Variants in NFATC2 observed in about 807,000 individuals in gnomAD.
NFATC2 encodes the protein nuclear factor of activated T cells 2.
A neutral mutation model predicts 87.3 loss-of-function variants in NFATC2; 22 were observed. That is an observed-to-expected ratio of 0.25 (90% CI 0.18 to 0.36). NFATC2 has a LOEUF of 0.36. NFATC2 is among the 10% of genes least tolerant of loss of function. The pLI is 1.00. For missense variants in NFATC2, 1,149 were observed against 1,259.1 expected, an observed-to-expected ratio of 0.91 and a Z score of 1.32; for synonymous variants, 565 against 542.2, an observed-to-expected ratio of 1.04 and a Z score of -0.58.
intron 3 of NFATC2, among the ~76,000 whole-genome samples, chr20:51,509,956 A>C (rs1471749770): frequency 1.3e-5 from 2 of 152,202 alleles, no homozygotes; most frequent in African/African-American, 4.8e-5. Context: ...CCGGGAATGA[A>C]ATGGCCATCG....
In NFATC2 at chr20:51,523,942, G is replaced by C. The variant is rs919808621; in HGVS notation, c.299C>G (p.Ala100Gly). ...GCCCGAGGCCCCTGCTGGCTTGGCC[G>C]CGCTCAGAAACTTCTGCGGCCCTAC... ...DRVGPQKFLS[A>G]AKPAGASGLS... Residue 100 changes from alanine to glycine, a missense_variant, in exon 2 of 11, where the codon GCG (alanine) becomes GGG (glycine). By Grantham distance (60) the Ala-to-Gly change is moderately conservative. This residue lies in a region of NFATC2 where 563 missense variants were observed against 585.2 expected (regional missense o/e 0.96). Transcript: ENST00000371564. The surrounding 1 kb of genome is among the most constrained non-coding windows in gnomAD (Gnocchi z 6.9). 2 of 1,595,568 alleles carry C rather than the reference G, an allele frequency of 1.3e-6. No homozygotes were observed. The highest frequency in any genetic ancestry group is 2.7e-5 in the African/African-American group (2 of 73,630).
chr20:51,493,414 T>G (rs1325352887), intron 3 of NFATC2, among the ~76,000 whole-genome samples: 1 of 152,190 alleles, frequency 6.6e-6, no homozygotes, highest in African/African-American at 2.4e-5. Context: ...GACCTCACAT[T>G]GCAACTGAGT....
rs748720286 is a variant in NFATC2 at position 51,478,541 on chromosome 20, C to T, written c.1333-2881G>A. Among the ~76,000 whole-genome samples the T allele has an allele frequency of 1.2e-3, 186 of 152,146 alleles. 2 individuals are homozygous for T. Among genetic ancestry groups the T allele is most frequent in the Non-Finnish European group, 3.2e-4 (22 of 68,018 alleles). On this transcript the variant is annotated intron_variant, in intron 3 of 10. Coordinates refer to ENST00000371564, the MANE Select transcript of NFATC2 (RefSeq NM_012340.5). ...ATGTGAATCCAGCCATTTCCATCCC[C>T]GCTCTTGTTGGCACACCTGCCCAAG...
intron 9 of NFATC2, 105 bp from the exon 10 acceptor site, chr20:51,398,835 A>ACTTAACCCTTTGGCTCTAGTTTAAGCCAG (rs1987643136): frequency 2.5e-6 from 2 of 791,664 alleles, no homozygotes; most frequent in African/African-American, 3.4e-5. Context: ...CCAGGAGGGA[A>ACTTAACCCTTTGGCTCTAGTTTAAGCCAG]CTTAACCCTT....
intron 1 of NFATC2, among the ~76,000 whole-genome samples, chr20:51,558,333 C>A (rs2076995002): frequency 6.6e-6 from 1 of 152,032 alleles, no homozygotes; most frequent in South Asian, 2.1e-4. Context: ...CAGAGTGAGA[C>A]CATGTCTCAA....
chr20:51,466,197 T>C (rs186550148), intron 5 of NFATC2, among the ~76,000 whole-genome samples: 1 of 151,966 alleles, frequency 6.6e-6, no homozygotes, highest in African/African-American at 2.4e-5. Context: ...GGGTTACAGG[T>C]GTGCACCACC....
At chr20:51,433,230 G>A (rs1176935412) in intron 8 of NFATC2, among the ~76,000 whole-genome samples, 1 of 152,124 alleles carries the variant, frequency 6.6e-6, no homozygotes, top group African/African-American at 2.4e-5. Flanking sequence ...CTCAAAGAGA[G>A]GACTTTTGTC....
intron 5 of NFATC2, among the ~76,000 whole-genome samples, chr20:51,471,758 T>A (rs1436924189): frequency 1.3e-5 from 2 of 152,242 alleles, no homozygotes; most frequent in African/African-American, 4.8e-5. Context: ...CTTCAGACTA[T>A]CTCTGATTAA....
At chr20:51,452,277 G>T (rs965561214) in intron 6 of NFATC2, among the ~76,000 whole-genome samples, 1 of 150,930 alleles carries the variant, frequency 6.6e-6, no homozygotes, top group Non-Finnish European at 1.5e-5. Flanking sequence ...CCCTTCCCAA[G>T]TCTCCTTCCC....
chr20:51,458,623 C>A (rs1165467730), intron 5 of NFATC2, among the ~76,000 whole-genome samples: 2 of 150,930 alleles, frequency 1.3e-5, no homozygotes, highest in East Asian at 3.9e-4. Flanking sequence ...ATGGTGAAAC[C>A]CCGTCTCTAC....
Position 51,523,581 on chromosome 20 carries a change from C to T in NFATC2, c.660G>A (p.Met220Ile). ...AHYSPRTSPI[M>I]SPRTSLAEDS... is the part of the protein sequence containing the mutation. ...CCTCGGCGAGGCTGGTTCGAGGTGA[C>T]ATTATTGGCGAGGTTCTGGGGGAAT... is the stretch of plus-strand genomic sequence containing the variant. The change falls in exon 2 of 11, where the codon ATG (methionine) becomes ATA (isoleucine). Residue 220 changes from methionine to isoleucine, a missense_variant. Around this residue, in one of 3 missense-constraint regions of NFATC2, gnomAD observed 563 missense variants for 585.2 expected, o/e 0.96. Transcript: ENST00000371564. The surrounding 1 kb of genome is among the most constrained non-coding windows in gnomAD (Gnocchi z 6.9). The T allele has an allele frequency of 6.2e-7, 1 of 1,613,880 alleles. No individual in the cohort carries two copies. Among genetic ancestry groups the T allele is most frequent in the Non-Finnish European group, 8.5e-7 (1 of 1,179,848 alleles).
chr20:51,424,762 G>T (rs1981505834), intron 9 of NFATC2, among the ~76,000 whole-genome samples: 2 of 152,080 alleles, frequency 1.3e-5, no homozygotes, highest in Admixed American at 1.3e-4. Context: ...TTCCACCCAT[G>T]GGGGACCTGT....
chr20:51,444,947 G>A (rs989362488), intron 6 of NFATC2, among the ~76,000 whole-genome samples: 2 of 151,978 alleles, frequency 1.3e-5, no homozygotes, highest in East Asian at 3.9e-4. Context: ...CGAGTCTCCT[G>A]CCCCACTACT....
At chr20:51,522,340 C>T (rs915423272) in intron 2 of NFATC2, among the ~76,000 whole-genome samples, 5 of 152,162 alleles carry the variant, frequency 3.3e-5, no homozygotes, top group African/African-American at 7.2e-5. Flanking sequence ...GCGCTAGGCA[C>T]GGCTTCATAA....
chr20:51,398,713 G>C lies in NFATC2; in HGVS notation c.2740C>G (p.Leu914Val), dbSNP rs546379754. 4 of 1,612,412 alleles carry C rather than the reference G, an allele frequency of 2.5e-6. No individual in the cohort carries two copies. Among genetic ancestry groups the C allele is most frequent in the African/African-American group, 2.7e-5 (2 of 74,942 alleles). The stretch of plus-strand genomic sequence containing the variant: ...CATAATATGTTTTGTATCCAGCTAA[G>C]GTGTGTGTCTATCAGCTCTGAAAAA... ...YLDDELIDTHLSWIQNIL is the reference protein window; with the variant it reads ...YLDDELIDTHVSWIQNIL Residue 914 changes from leucine (L) to valine (V), a missense_variant, in exon 10 of 11, where the codon CTT becomes GTT. Physicochemically the swap from Leu to Val is conservative, Grantham distance 32. Coordinates refer to ENST00000371564, the MANE Select transcript of NFATC2 (RefSeq NM_012340.5).
intron 6 of NFATC2, among the ~76,000 whole-genome samples, chr20:51,437,914 G>C (rs1024216515): frequency 6.6e-6 from 1 of 152,216 alleles, no homozygotes; most frequent in Non-Finnish European, 1.5e-5. Context: ...TGCTGGTGAG[G>C]CCAAGAAAAG....
At chr20:51,427,602 C>G (rs1053557681) in intron 9 of NFATC2, among the ~76,000 whole-genome samples, 1 of 152,160 alleles carries the variant, frequency 6.6e-6, no homozygotes, top group Non-Finnish European at 1.5e-5. Flanking sequence ...GTGATCTTCT[C>G]AAACAGTAAA....
rs1241933367 is a variant in NFATC2 at position 51,480,500 on chromosome 20, C to CT, written c.1333-4841dup. ...CAGCCTCTGGGTTGAGCTGGGCTGG[C>CT]TTATACAATGTGAGCAGATAGAATC... On this transcript the variant is annotated intron_variant, in intron 3 of 10. Coordinates refer to ENST00000371564, the MANE Select transcript of NFATC2 (RefSeq NM_012340.5). The surrounding 1 kb of genome is among the most constrained non-coding windows in gnomAD (Gnocchi z 4.2). Among the ~76,000 whole-genome samples, 13 of 152,174 alleles carry CT rather than the reference C, an allele frequency of 8.5e-5. No homozygotes were observed. Among genetic ancestry groups the CT allele is most frequent in the Non-Finnish European group, 1.8e-4 (12 of 68,036 alleles).
At chr20:51,393,000 T>C (rs1397984922) in intron 10 of NFATC2, among the ~76,000 whole-genome samples, 1 of 152,222 alleles carries the variant, frequency 6.6e-6, no homozygotes, top group Admixed American at 6.5e-5. Flanking sequence ...CTTTTCAGGC[T>C]GTTGTGAGGA....
Sources: allele counts gnomAD v4.1 joint callset (sites outside exome capture counted in the v4.1 genomes callset), GRCh38; gene constraint gnomAD v4.1.1; regional missense constraint gnomAD v4.1.1; non-coding constraint Gnocchi (gnomAD v3.1); transcripts MANE v1.5; gene names NCBI Gene and HGNC (gene_info 2026-07-23, HGNC 2026-07-21).